Variants in KDM7A observed in about 807,000 individuals in gnomAD.
KDM7A encodes lysine-specific demethylase 7A.
A neutral mutation model predicts 114.8 loss-of-function variants in KDM7A; 28 were observed. That is an observed-to-expected ratio of 0.24 (90% CI 0.18 to 0.33). The LOEUF (loss-of-function observed/expected upper bound fraction) is 0.33. KDM7A is among the 10% of genes least tolerant of loss of function. The probability of loss-of-function intolerance (pLI) is 1.00; values close to 1 mark genes in which losing one functional copy is unlikely to be tolerated. For missense variants in KDM7A, 942 were observed against 1,142.5 expected, an observed-to-expected ratio of 0.82 and a Z score of 2.53; for synonymous variants, 423 against 397.8, an observed-to-expected ratio of 1.06 and a Z score of -0.75.
intron 19 of KDM7A, 121 bp from the exon 20 acceptor site, chr7:140,091,309 G>T (rs12703533): frequency 1.4e-6 from 1 of 708,010 alleles, no homozygotes; most frequent in Admixed American, 2.2e-5. Context: ...TGCATGGACA[G>T]AGTCATACTT....
intron 1 of KDM7A, among the ~76,000 whole-genome samples, chr7:140,165,195 CTAT>C (rs1326492779): frequency 6.6e-6 from 1 of 152,158 alleles, no homozygotes; most frequent in Non-Finnish European, 1.5e-5. Context: ...CTAGAGACTC[CTAT>C]TATATACATT....
intron 10 of KDM7A, among the ~76,000 whole-genome samples, chr7:140,113,005 G>A (rs1283975062): frequency 6.6e-6 from 1 of 152,186 alleles, no homozygotes; most frequent in Non-Finnish European, 1.5e-5. Flanking sequence ...AGGCTTTGCA[G>A]TCCCAGAGAT....
chr7:140,144,472 C>T (rs1383299226), intron 1 of KDM7A, among the ~76,000 whole-genome samples: 6 of 151,962 alleles, frequency 3.9e-5, no homozygotes, highest in Admixed American at 6.6e-5. Context: ...CAAAAGCACA[C>T]GGGACAAAAG....
chr7:140,133,745 T>C lies in KDM7A; in HGVS notation c.281-89A>G, dbSNP rs922287457. 19 of 710,650 alleles carry C rather than the reference T, an allele frequency of 2.7e-5. No homozygotes were observed. The Admixed American group carries it at 4.6e-4, about 17-fold the overall frequency. The allele number at this position is 710,650 out of a possible 1,614,324, so 44.0% of individuals were successfully genotyped here. On this transcript the variant is annotated intron_variant, in intron 2 of 19. Transcript: ENST00000397560. ...TCATTATATCCGACATAATCAGAAA[T>C]AACAATTGTAAGTACATTAAAAACA...
intron 11 of KDM7A, 149 bp downstream of exon 11, chr7:140,110,946 G>A (rs1467367443): frequency 1.1e-5 from 5 of 475,194 alleles, no homozygotes; most frequent in Non-Finnish European, 1.8e-5. Flanking sequence ...TCAGAGGCCT[G>A]AAAACCTGAG....
At chr7:140,174,770 T>C (rs186041779) in intron 1 of KDM7A, among the ~76,000 whole-genome samples, 3 of 152,136 alleles carry the variant, frequency 2.0e-5, no homozygotes, top group Admixed American at 2.0e-4. Context: ...CCAGCTAATT[T>C]TTGTATTTTT....
chr7:140,127,504 G>A lies in KDM7A; in HGVS notation c.639C>T (p.Tyr213=), dbSNP rs759762231. Reference sequence around the variant, plus strand: ...CTTTTGGTCTGTTAGGATTCATGAAGTATTTAACATAATTGTGAAGTGTCA... The same window carrying A: ...CTTTTGGTCTGTTAGGATTCATGAAATATTTAACATAATTGTGAAGTGTCA... ...SKMTLHNYVK[Y]FMNPNRPKVL... The change falls in exon 5 of 20, where the codon TAC becomes TAT. Residue 213 remains tyrosine (Y), a synonymous_variant. Transcript: ENST00000397560. 6.8e-6 allele frequency: 11 copies of A among 1,613,336 alleles called. No homozygotes were observed. The highest frequency in any genetic ancestry group is 1.7e-5 in the Admixed American group (1 of 59,998).
At chr7:140,108,342 G>C (rs966985919) in intron 11 of KDM7A, among the ~76,000 whole-genome samples, 2 of 152,122 alleles carry the variant, frequency 1.3e-5, no homozygotes, top group East Asian at 3.9e-4. Flanking sequence ...GCGTTCCTCT[G>C]GAGGGGAAGA....
chr7:140,172,261 T>C (rs1461957725), intron 1 of KDM7A, among the ~76,000 whole-genome samples: 1 of 152,262 alleles, frequency 6.6e-6, no homozygotes, highest in Non-Finnish European at 1.5e-5. Context: ...AAGTGTTTTA[T>C]ATGTATTAAC....
intron 11 of KDM7A, among the ~76,000 whole-genome samples, chr7:140,105,965 G>A (rs113800410): frequency 6.6e-6 from 1 of 152,038 alleles, no homozygotes; most frequent in Non-Finnish European, 1.5e-5. Context: ...CTCAATTTCA[G>A]AGCCTGTTAC....
chr7:140,119,241 T>TTTAATA (rs1432864125), intron 8 of KDM7A, 22 bp from the exon 9 acceptor site: 1 of 1,326,354 alleles, frequency 7.5e-7, no homozygotes, highest in South Asian at 1.4e-5. Context: ...TGAAGAAATT[T>TTTAATA]TTAATATTAA....
At chr7:140,152,471 A>G (rs1250819929) in intron 1 of KDM7A, among the ~76,000 whole-genome samples, 2 of 152,076 alleles carry the variant, frequency 1.3e-5, no homozygotes, top group African/African-American at 2.4e-5. Flanking sequence ...TAAAAATACA[A>G]AAGTTAGCTG....
intron 14 of KDM7A, 123 bp downstream of exon 14, chr7:140,098,756 G>A: frequency 2.5e-6 from 2 of 807,128 alleles, no homozygotes; most frequent in Non-Finnish European, 2.0e-6. Context: ...TTTCAAGACA[G>A]TTTTAGGGAC....
intron 1 of KDM7A, among the ~76,000 whole-genome samples, chr7:140,164,375 GTGCAGAATGT>G (rs1288747719): frequency 1.3e-5 from 2 of 152,194 alleles, no homozygotes; most frequent in Non-Finnish European, 2.9e-5. Context: ...GGGCTAACCA[GTGCAGAATGT>G]TTAGTAGCAT....
intron 1 of KDM7A, among the ~76,000 whole-genome samples, chr7:140,171,285 C>T (rs1794635565): frequency 6.8e-6 from 1 of 147,476 alleles, no homozygotes; most frequent in Non-Finnish European, 1.5e-5. Flanking sequence ...ACGGTGAAAC[C>T]CCATCTCTAC....
intron 3 of KDM7A, among the ~76,000 whole-genome samples, chr7:140,132,886 C>T (rs561196906): frequency 1.3e-5 from 2 of 152,244 alleles, no homozygotes; most frequent in African/African-American, 2.4e-5. Context: ...AATTGTGCTT[C>T]CCCTCTTTAA....
intron 1 of KDM7A, among the ~76,000 whole-genome samples, chr7:140,169,687 A>G (rs1232395245): frequency 6.6e-6 from 1 of 151,930 alleles, no homozygotes; most frequent in Non-Finnish European, 1.5e-5. Context: ...CACTATGCCC[A>G]GCTAATTTTT....
At chr7:140,171,635 ATTTAT>A (rs1794643327) in intron 1 of KDM7A, among the ~76,000 whole-genome samples, 1 of 145,728 alleles carries the variant, frequency 6.9e-6, no homozygotes, top group Admixed American at 6.9e-5. Context: ...ATAAATATAT[ATTTAT>A]TTTATATATA....
At chr7:140,170,017 A>G (rs896525814) in intron 1 of KDM7A, among the ~76,000 whole-genome samples, 1 of 152,212 alleles carries the variant, frequency 6.6e-6, no homozygotes, top group Non-Finnish European at 1.5e-5. Context: ...TGAAATTGAG[A>G]AGTTCAATAA....
Sources: allele counts gnomAD v4.1 joint callset (sites outside exome capture counted in the v4.1 genomes callset), GRCh38; gene constraint gnomAD v4.1.1; transcripts MANE v1.5; gene names NCBI Gene and HGNC (gene_info 2026-07-23, HGNC 2026-07-21).